GRIN3B: variants seen among roughly 807,000 people sequenced by gnomAD.
GRIN3B encodes glutamate ionotropic receptor NMDA type subunit 3B.
In GRIN3B, 77 loss-of-function variants were observed where a neutral mutation model predicts 66.0. The observed-to-expected ratio is 1.17, with a 90% CI of 0.97 to 1.41. The LOEUF (loss-of-function observed/expected upper bound fraction) is 1.41, where lower values mean the gene tolerates loss of function less well. GRIN3B is among the 40% of genes most tolerant of loss of function. The pLI is 0.00. For synonymous variants in GRIN3B, 823 were observed against 749.7 expected (o/e 1.10, Z -1.60); for missense variants, 1,787 against 1,564.5 (o/e 1.14, Z -2.40).
chr19:1,008,104 CCCACCTGGCCCCA>C, intron 5 of GRIN3B, 23 bp from the exon 6 acceptor site: 2 of 1,570,302 alleles, frequency 1.3e-6, no homozygotes, highest in Non-Finnish European at 1.7e-6. Context: ...CTGGGGCTGT[CCCACCTGGCCCCA>C]CCGCCTGGCC....
Position 1,009,397 on chromosome 19 carries a change from G to T in GRIN3B, c.2927G>T (p.Gly976Val). 5 of 1,417,512 alleles carry T rather than the reference G, an allele frequency of 3.5e-6. No individual in the cohort carries two copies. Among genetic ancestry groups the T allele is most frequent in the Non-Finnish European group, 4.6e-6 (5 of 1,092,736 alleles). 87.8% of individuals were successfully genotyped at this position (1,417,512 alleles called of 1,614,324 possible). The change falls in exon 9 of 9, where the codon GGG becomes GTG. Residue 976 changes from glycine (G) to valine (V), a missense_variant. Gly to Val is a moderately radical substitution (Grantham distance 109). Transcript: ENST00000234389. ...YGRPPAARPT[G>V]APQPGELQEL... ...CGCCCGCCCGCCGCAAGGCCCACGG[G>T]GGCCCCCCAGCCCGGGGAGCTGCAG... is the stretch of plus-strand genomic sequence containing the variant.
At chr19:1,003,961 C>T (rs552628817) in intron 2 of GRIN3B, among the ~76,000 whole-genome samples, 76 of 152,370 alleles carry the variant, frequency 5.0e-4, no homozygotes, top group Admixed American at 1.2e-3. Flanking sequence ...TGGTGACACG[C>T]ACCTGTAGTT....
Position 1,008,708 on chromosome 19 carries a change from C to G in GRIN3B, c.2557C>G (p.His853Asp), listed in dbSNP as rs1343360657. 3.7e-6 allele frequency: 6 copies of G among 1,608,374 alleles called. No individual in the cohort carries two copies. Among genetic ancestry groups the G allele is most frequent in the Non-Finnish European group, 5.1e-6 (6 of 1,179,450 alleles). Reference sequence around the variant, plus strand: ...CGCTCTGCTCAGCTCGCTGGGCGAGCACGCCTTCTTCCGCCTGGCGCTGCC... The same window carrying G: ...CGCTCTGCTCAGCTCGCTGGGCGAGGACGCCTTCTTCCGCCTGGCGCTGCC... ...GSALLSSLGE[H>D]AFFRLALPRI... is the part of the protein sequence containing the mutation. The change falls in exon 7 of 9, where the codon CAC becomes GAC. Residue 853 changes from histidine (H) to aspartate (D), a missense_variant. Coordinates refer to ENST00000234389, the MANE Select transcript of GRIN3B (RefSeq NM_138690.3).
rs2038808568 is a variant in GRIN3B at position 1,009,238 on chromosome 19, GGGCGCGCC to G, written c.2771_2778del (p.Ala924GlyfsTer69). The G allele has an allele frequency of 7.6e-6, 11 of 1,444,034 alleles. No individual in the cohort carries two copies. Among genetic ancestry groups the G allele is most frequent in the Non-Finnish European group, 9.9e-6 (11 of 1,110,610 alleles). The allele number at this position is 1,444,034 out of a possible 1,614,324, so 89.5% of individuals were successfully genotyped here. A position where few individuals can be genotyped will look rare whatever the true frequency, so the allele number is the denominator to read the frequency against. On this transcript the variant is annotated frameshift_variant, in exon 9 of 9. Coordinates refer to ENST00000234389, the MANE Select transcript of GRIN3B (RefSeq NM_138690.3). LOFTEE classifies it low-confidence loss of function (END_TRUNC). ...CCAACGGCTCCGGAGGGCTGGAAAC[GGGCGCGCC>G]GGGCCGTGGACAAGGAGCGCCGCGT...
In GRIN3B at chr19:1,009,523, G is replaced by A. The variant is rs1471919657; in HGVS notation, c.3053G>A (p.Arg1018Gln). ...LAQLGDSARH[R>Q]PRRLLQARAA... ...CAGCTCGGGGACAGCGCACGTCACC[G>A]GCCTCGGCGCTTGCTTCAGGCCAGA... Residue 1018 changes from arginine to glutamine, a missense_variant, in exon 9 of 9, where the codon CGG becomes CAG. Physicochemically the swap from Arg to Gln is conservative, Grantham distance 43. Transcript: ENST00000234389. 2.0e-6 allele frequency: 3 copies of A among 1,489,864 alleles called. No homozygotes were observed. Among genetic ancestry groups the A allele is most frequent in the Admixed American group, 4.4e-5 (2 of 45,528 alleles). The allele number at this position is 1,489,864 out of a possible 1,614,324, so 92.3% of individuals were successfully genotyped here.
chr19:1,002,852 T>C, intron 1 of GRIN3B: 2 of 355,532 alleles, frequency 5.6e-6, no homozygotes, highest in East Asian at 4.2e-5. Flanking sequence ...AGAAAGATAT[T>C]CCATCCGGGG....
chr19:1,005,318 G>T lies in GRIN3B; in HGVS notation c.1817G>T (p.Arg606Leu), dbSNP rs139930791. Reference sequence around the variant, plus strand: ...CGTAGCCCCTACGGCCTCACGCCACGTGGCCGCAACCGCAGCACCGTCTTC... The same window carrying T: ...CGTAGCCCCTACGGCCTCACGCCACTTGGCCGCAACCGCAGCACCGTCTTC... ...EWRSPYGLTP[R>L]GRNRSTVFSY... is the part of the protein sequence containing the mutation. The change falls in exon 3 of 9, where the codon CGT becomes CTT. Residue 606 changes from arginine to leucine, a missense_variant. Transcript: ENST00000234389. This position sits in a 1 kb window ranked among gnomAD's most constrained non-coding sequence, Gnocchi z 5.2. 5.0e-6 allele frequency: 8 copies of T among 1,613,512 alleles called. No individual in the cohort carries two copies. The African/African-American group carries it at 8.0e-5, about 16-fold the overall frequency.
chr19:1,008,796 G>GGGC lies in GRIN3B; in HGVS notation c.2631+20_2631+22dup. 1.3e-6 allele frequency: 2 copies of GGGC among 1,592,754 alleles called. No homozygotes were observed. The highest frequency in any genetic ancestry group is 1.1e-5 in the South Asian group (1 of 89,306). On this transcript the variant is annotated intron_variant, in intron 7 of 8. Transcript: ENST00000234389. ...CACACCAGCCAGGTGGGGAGCGGGT[G>GGGC]GGCGGCGGGCGGCCCCACCCCCCCC... is the stretch of plus-strand genomic sequence containing the variant.
In GRIN3B at chr19:1,005,394, C is replaced by G. The variant is rs529692764; in HGVS notation, c.1893C>G (p.Thr631=). The G allele has an allele frequency of 1.2e-6, 2 of 1,613,608 alleles. No homozygotes were observed. Among genetic ancestry groups the G allele is most frequent in the South Asian group, 1.1e-5 (1 of 91,088 alleles). Residue 631 remains threonine, a synonymous_variant, in exon 3 of 9, where the codon ACC becomes ACG. Coordinates refer to ENST00000234389, the MANE Select transcript of GRIN3B (RefSeq NM_138690.3). The surrounding 1 kb of genome is among the most constrained non-coding windows in gnomAD (Gnocchi z 5.2). ...GCTACGCCATCCTCTTCAGACGCAC[C>G]GTGTCCAGCAAGACGCCCAAGTGCC... is the stretch of plus-strand genomic sequence containing the variant. ...NLCYAILFRR[T]VSSKTPKCPT... is the part of the protein sequence containing the mutation.
In GRIN3B at chr19:1,009,662, C is replaced by T. The variant is rs529768481; in HGVS notation, c.*60C>T. On this transcript the variant is annotated 3_prime_UTR_variant, in exon 9 of 9. Transcript: ENST00000234389. Reference sequence around the variant, plus strand: ...ACACAGCGCAGTGAGCCGCTGTCAACAGACAGTTTATTCTATATACAAACA... The same window carrying T: ...ACACAGCGCAGTGAGCCGCTGTCAATAGACAGTTTATTCTATATACAAACA... The T allele has an allele frequency of 2.4e-6, 3 of 1,276,170 alleles. No homozygotes were observed. Among genetic ancestry groups the T allele is most frequent in the Admixed American group, 3.9e-5 (1 of 25,336 alleles). 79.1% of individuals were successfully genotyped at this position (1,276,170 alleles called of 1,614,324 possible). A position where few individuals can be genotyped will look rare whatever the true frequency, so the allele number is the denominator to read the frequency against.
Position 1,003,543 on chromosome 19 carries a change from G to T in GRIN3B, c.840G>T (p.Ala280=). The T allele has an allele frequency of 2.6e-6, 4 of 1,522,420 alleles. No individual in the cohort carries two copies. The highest frequency in any genetic ancestry group is 3.5e-6 in the Non-Finnish European group (4 of 1,140,278). The allele number at this position is 1,522,420 out of a possible 1,614,324, so 94.3% of individuals were successfully genotyped here. ...PTAGLPPGLL[A]LGEVARPPLE... ...CGGGGCTGCCACCAGGGCTGCTGGC[G>T]CTGGGCGAGGTGGCACGACCCCCGC... Residue 280 remains alanine (A), a synonymous_variant, in exon 2 of 9, where the codon GCG becomes GCT. Coordinates refer to ENST00000234389, the MANE Select transcript of GRIN3B (RefSeq NM_138690.3).
Position 1,003,443 on chromosome 19 carries a change from G to A in GRIN3B, c.740G>A (p.Arg247Gln), listed in dbSNP as rs370645758. Residue 247 changes from arginine (R) to glutamine (Q), a missense_variant, in exon 2 of 9, where the codon CGG (arginine) becomes CAG (glutamine). By Grantham distance (43) the Arg-to-Gln change is conservative. Transcript: ENST00000234389. ...LLGCDIARAR[R>Q]VLEAVPPGPH... ...GGCTGTGACATCGCCCGTGCCCGTCGGGTGCTGGAGGCCGTACCTCCCGGC... is the reference window on the plus strand; with the variant it reads ...GGCTGTGACATCGCCCGTGCCCGTCAGGTGCTGGAGGCCGTACCTCCCGGC... 178 of 1,540,060 alleles carry A rather than the reference G, an allele frequency of 1.2e-4. 1 individual carries two copies. In the East Asian group the frequency reaches 2.3e-3, roughly 20 times the overall value.
chr19:1,003,003 G>T (rs2038698627), intron 1 of GRIN3B, 127 bp from the exon 2 acceptor site: 1 of 593,790 alleles, frequency 1.7e-6, no homozygotes, highest in Non-Finnish European at 2.9e-6. Context: ...GGCTGGGGCT[G>T]GGGGGAGGTG....
In GRIN3B at chr19:1,003,274, T is replaced by C. The variant is rs1159534421; in HGVS notation, c.571T>C (p.Trp191Arg). ...GGACCCCGGCGGCCTGGTGGCCCTC[T>C]GGACAAGCCGGGCTGGCCGGCCCCC... is the stretch of plus-strand genomic sequence containing the variant. ...TQDPGGLVAL[W>R]TSRAGRPPQL... The change falls in exon 2 of 9, where the codon TGG becomes CGG. Residue 191 changes from tryptophan (W) to arginine (R), a missense_variant. Physicochemically the swap from Trp to Arg is moderately radical, Grantham distance 101. Transcript: ENST00000234389. 2.5e-6 allele frequency: 4 copies of C among 1,572,630 alleles called. No individual in the cohort carries two copies. The Admixed American group carries it at 7.3e-5, about 29-fold the overall frequency.
rs2038727246 is a variant in GRIN3B, at chr19:1,004,901, C to T, written c.1400C>T (p.Ser467Leu). ...CTGTTCGCCGCGCTGGCCAACGGCT[C>T]AGCGCCCCGTGCCCTGCGCAAGTGC... is the stretch of plus-strand genomic sequence containing the variant. Reference protein sequence around the residue: ...DALFAALANGSAPRALRKCCY... With the variant: ...DALFAALANGLAPRALRKCCY... Residue 467 changes from serine to leucine, a missense_variant, in exon 3 of 9, where the codon TCA becomes TTA. By Grantham distance (145) the Ser-to-Leu change is moderately radical. Coordinates refer to ENST00000234389, the MANE Select transcript of GRIN3B (RefSeq NM_138690.3). The T allele has an allele frequency of 3.8e-6, 6 of 1,589,864 alleles. No homozygotes were observed. Among genetic ancestry groups the T allele is most frequent in the East Asian group, 2.2e-5 (1 of 44,806 alleles).
rs1290585065 is a variant in GRIN3B, at chr19:1,008,204, C to T, written c.2379C>T (p.Arg793=). 1 of 1,612,250 alleles carries T rather than the reference C, an allele frequency of 6.2e-7. No individual in the cohort carries two copies. Among genetic ancestry groups the T allele is most frequent in the Admixed American group, 1.7e-5 (1 of 59,870 alleles). Residue 793 remains arginine (R), a synonymous_variant, in exon 6 of 9, where the codon CGC becomes CGT. Transcript: ENST00000234389. ...LTSNLSEFIS[R]YKSSGFIDLL... ...CCAACCTGTCCGAGTTCATCAGCCGCTACAAGTCCTCCGGCTTCATCGACC... is the reference window on the plus strand; with the variant it reads ...CCAACCTGTCCGAGTTCATCAGCCGTTACAAGTCCTCCGGCTTCATCGACC...
At position 1,005,510 on chromosome 19, in the gene GRIN3B, G is replaced by A; in HGVS notation, c.2009G>A (p.Gly670Glu). The A allele has an allele frequency of 6.2e-7, 1 of 1,612,346 alleles. No individual in the cohort carries two copies. The highest frequency in any genetic ancestry group is 8.5e-7 in the Non-Finnish European group (1 of 1,179,416). Residue 670 changes from glycine to glutamate, a missense_variant, in exon 3 of 9, where the codon GGG becomes GAG. Transcript: ENST00000234389. The surrounding 1 kb of genome is among the most constrained non-coding windows in gnomAD (Gnocchi z 5.2). ...YTANLAAVMVGDKTFEELSGI... is the reference protein window; with the variant it reads ...YTANLAAVMVEDKTFEELSGI... ...GCCAACCTGGCTGCCGTCATGGTCGGGGACAAGACCTTCGAGGAGCTGTCG... is the reference window on the plus strand; with the variant it reads ...GCCAACCTGGCTGCCGTCATGGTCGAGGACAAGACCTTCGAGGAGCTGTCG...
At position 1,007,547 on chromosome 19, in the gene GRIN3B, C is replaced by T; in HGVS notation, c.2053-81C>T. On this transcript the variant is annotated intron_variant, in intron 3 of 8. Transcript: ENST00000234389. The surrounding 1 kb of genome is among the most constrained non-coding windows in gnomAD (Gnocchi z 4.4). ...GCGCCCTGCAGTGCCCAGGACGGCC[C>T]CACCCCGGAGAACGGCGCGCCCCTC... 1 of 1,347,058 alleles carries T rather than the reference C, an allele frequency of 7.4e-7. No individual in the cohort carries two copies. The highest frequency in any genetic ancestry group is 3.1e-5 in the East Asian group (1 of 31,922). The allele number at this position is 1,347,058 out of a possible 1,614,324, so 83.4% of individuals were successfully genotyped here.
Position 1,009,423 on chromosome 19 carries a change from G to T in GRIN3B, c.2953G>T (p.Glu985Ter). The change falls in exon 9 of 9, where the codon GAG becomes TAG. Residue 985 changes from glutamate (E) to a stop codon, truncating the protein, a stop_gained. Coordinates refer to ENST00000234389, the MANE Select transcript of GRIN3B (RefSeq NM_138690.3). LOFTEE classifies it low-confidence loss of function (END_TRUNC). Reference protein sequence around the residue: ...TGAPQPGELQELERRIEVARE... With the variant: ...TGAPQPGELQ ...GGCCCCCCAGCCCGGGGAGCTGCAGGAGCTGGAGCGCCGCATCGAAGTCGC... is the reference window on the plus strand; with the variant it reads ...GGCCCCCCAGCCCGGGGAGCTGCAGTAGCTGGAGCGCCGCATCGAAGTCGC... The T allele has an allele frequency of 6.9e-7, 1 of 1,450,452 alleles. No individual in the cohort carries two copies. The highest frequency in any genetic ancestry group is 9.0e-7 in the Non-Finnish European group (1 of 1,107,958). 89.8% of individuals were successfully genotyped at this position (1,450,452 alleles called of 1,614,324 possible).
Sources: gnomAD v4.1 joint callset for allele counts (sites outside exome capture counted in the v4.1 genomes callset) on GRCh38, gnomAD v4.1.1 for gene constraint, Gnocchi (gnomAD v3.1) non-coding constraint, MANE v1.5 for transcripts, NCBI Gene and HGNC (gene_info 2026-07-23, HGNC 2026-07-21) for gene names.